NR4A1: variants seen among roughly 807,000 people sequenced by gnomAD.
NR4A1 encodes the protein nuclear receptor subfamily 4 group A member 1.
In NR4A1, 24 loss-of-function variants were observed where a neutral mutation model predicts 47.5. The observed-to-expected ratio is 0.50, with a 90% CI of 0.37 to 0.71. The LOEUF (loss-of-function observed/expected upper bound fraction) is 0.71, where lower values mean the gene tolerates loss of function less well. NR4A1 is among the 30% of genes least tolerant of loss of function. The pLI is 0.00. For missense variants in NR4A1, 669 were observed against 788.6 expected (o/e 0.85, Z 1.82); for synonymous variants, 353 against 345.7 (o/e 1.02, Z -0.24).
chr12:52,056,895 G>T (rs893175556), intron 4 of NR4A1, 162 bp from the exon 5 acceptor site: 9 of 828,322 alleles, frequency 1.1e-5, no homozygotes, highest in Non-Finnish European at 1.7e-5. Context: ...GGCAGCTGCA[G>T]CCCTGGGTTA....
chr12:52,038,816 C>A (rs1184082525), intron 1 of NR4A1: 2 of 744,958 alleles, frequency 2.7e-6, no homozygotes, highest in East Asian at 4.9e-5. Context: ...TGTGCTGAGG[C>A]CTCTGCTGGA....
chr12:52,043,802 G>C, intron 2 of NR4A1: 2 of 1,288,240 alleles, frequency 1.6e-6, no homozygotes, highest in Non-Finnish European at 2.0e-6. Flanking sequence ...CTCCCCACAG[G>C]GCTCCCTGAG....
intron 1 of NR4A1, among the ~76,000 whole-genome samples, chr12:52,032,351 C>CA (rs1197932043): frequency 6.6e-6 from 1 of 152,228 alleles, no homozygotes; most frequent in East Asian, 1.9e-4. Context: ...TTCAGACATC[C>CA]ATGCTCTGAT....
chr12:52,025,727 A>G (rs1937987461), intron 1 of NR4A1, among the ~76,000 whole-genome samples: 1 of 152,150 alleles, frequency 6.6e-6, no homozygotes, highest in Non-Finnish European at 1.5e-5. Context: ...TGTGGTTCCT[A>G]GAAGAGGGCC....
chr12:52,044,021 AG>A (rs1938536170), intron 2 of NR4A1: 2 of 936,148 alleles, frequency 2.1e-6, no homozygotes, highest in African/African-American at 1.7e-5. Flanking sequence ...GGAGGAAGCA[AG>A]GGTGGCCGAC....
intron 1 of NR4A1, among the ~76,000 whole-genome samples, chr12:52,033,137 C>T (rs1405499098): frequency 6.6e-6 from 1 of 152,220 alleles, no homozygotes; most frequent in South Asian, 2.1e-4. Context: ...GCGGCTCCCT[C>T]CGGACTGGCT....
At chr12:52,037,858 A>G in intron 1 of NR4A1, 1 of 981,532 alleles carries the variant, frequency 1.0e-6, no homozygotes, top group Non-Finnish European at 1.2e-6. Context: ...TCGTGGAGTC[A>G]GGCGGAGCTG....
chr12:52,023,388 G>T (rs927511727), intron 1 of NR4A1, among the ~76,000 whole-genome samples: 4 of 152,214 alleles, frequency 2.6e-5, no homozygotes, highest in Admixed American at 6.5e-5. Context: ...TGGGGTGGGA[G>T]CGCAGAGGGG....
intron 2 of NR4A1, chr12:52,055,616 G>A (rs1269066089): frequency 4.6e-6 from 2 of 433,878 alleles, no homozygotes; most frequent in Non-Finnish European, 8.2e-6. Flanking sequence ...TGAGGGCTGG[G>A]GGTGGACTTG....
Position 52,054,492 on chromosome 12 carries a change from C to A in NR4A1, c.164C>A (p.Thr55Asn), listed in dbSNP as rs1939142968. 3.8e-5 allele frequency: 62 copies of A among 1,613,948 alleles called. No homozygotes were observed. The highest frequency in any genetic ancestry group is 6.7e-5 in the East Asian group (3 of 44,886). The change falls in exon 2 of 7, where the codon ACC becomes AAC. Residue 55 changes from threonine to asparagine, a missense_variant. Coordinates refer to ENST00000394825, the MANE Select transcript of NR4A1 (RefSeq NM_173157.3). ...CCCACTGCCCTGCCCAGCTTCAGCA[C>A]CTTCATGGACGGCTACACAGGAGAG... ...AAPTALPSFSTFMDGYTGEFD... is the reference protein window; with the variant it reads ...AAPTALPSFSNFMDGYTGEFD...
At chr12:52,045,236 C>G (rs2641523) in intron 2 of NR4A1, among the ~76,000 whole-genome samples, 6,445 of 152,288 alleles carry the variant, frequency 0.042, 429 homozygotes, top group African/African-American at 0.14. Flanking sequence ...GCCGGCTCCC[C>G]CGTCCAGCTG....
chr12:52,056,860 G>T (rs747885096), intron 4 of NR4A1, 197 bp from the exon 5 acceptor site: 10 of 794,204 alleles, frequency 1.3e-5, no homozygotes, highest in Non-Finnish European at 1.7e-5. Context: ...CAGGCAGGTG[G>T]CCAATTAGAA....
chr12:52,036,919 G>A (rs1938252688), intron 1 of NR4A1, among the ~76,000 whole-genome samples: 1 of 152,218 alleles, frequency 6.6e-6, no homozygotes, highest in South Asian at 2.1e-4. Flanking sequence ...GAAGGTGTGA[G>A]CGAGACCTCG....
In NR4A1 at chr12:52,045,551, T is replaced by C. The variant is rs1487582245; in HGVS notation, c.37+3622T>C. On this transcript the variant is annotated intron_variant, in intron 2 of 7. Coordinates refer to the NR4A1 transcript ENST00000360284. ...TTGGATGTGGAGCCTCTCCTTTCCA[T>C]TGTGAACTGAATTCTACCAGCACTG... The C allele has an allele frequency of 6.6e-6, 3 of 452,568 alleles. No homozygotes were observed. In the East Asian group the frequency reaches 2.1e-4, roughly 32 times the overall value. 28.0% of individuals were successfully genotyped at this position (452,568 alleles called of 1,614,324 possible).
At chr12:52,024,742 C>A (rs546766889) in intron 1 of NR4A1, among the ~76,000 whole-genome samples, 107 of 152,260 alleles carry the variant, frequency 7.0e-4, no homozygotes, top group African/African-American at 2.2e-3. Context: ...AAACAAAAAA[C>A]CAAAAAGAAA....
intron 2 of NR4A1, among the ~76,000 whole-genome samples, chr12:52,045,289 C>T (rs1216055103): frequency 6.6e-6 from 1 of 152,218 alleles, no homozygotes; most frequent in African/African-American, 2.4e-5. Flanking sequence ...CCCTGCCAGC[C>T]CCAGGATTCT....
Position 52,056,427 on chromosome 12 carries a change from C to G in NR4A1, c.1007-67C>G. On this transcript the variant is annotated intron_variant, in intron 3 of 6. Coordinates refer to ENST00000394825, the MANE Select transcript of NR4A1 (RefSeq NM_173157.3). ...TGGGGCGCGTCTCAGCAGTGGTGTGCACGGCTTGGGCTGAGAGGCCCTTCC... is the reference window on the plus strand; with the variant it reads ...TGGGGCGCGTCTCAGCAGTGGTGTGGACGGCTTGGGCTGAGAGGCCCTTCC... 3 of 1,580,208 alleles carry G rather than the reference C, an allele frequency of 1.9e-6. No homozygotes were observed. The Admixed American group carries it at 5.8e-5, about 31-fold the overall frequency.
chr12:52,027,933 G>T (rs1171907359), intron 1 of NR4A1, among the ~76,000 whole-genome samples: 1 of 152,116 alleles, frequency 6.6e-6, no homozygotes, highest in East Asian at 1.9e-4. Flanking sequence ...CAGGTGCGGT[G>T]GCTCACACCT....
chr12:52,058,621 T>C, intron 6 of NR4A1, 67 bp from the exon 7 acceptor site: 1 of 1,360,928 alleles, frequency 7.3e-7, no homozygotes, highest in Non-Finnish European at 9.5e-7. Flanking sequence ...TTTAGGGGCC[T>C]GGGGGAGGCT....
Sources: gnomAD v4.1 joint callset for allele counts (sites outside exome capture counted in the v4.1 genomes callset) on GRCh38, gnomAD v4.1.1 for gene constraint, MANE v1.5 for transcripts, NCBI Gene and HGNC (gene_info 2026-07-23, HGNC 2026-07-21) for gene names.